Variants in AFAP1 observed in about 807,000 individuals in gnomAD.
AFAP1 encodes actin filament-associated protein 1.
Under a neutral mutation model 93.9 loss-of-function variants are expected in AFAP1, and 75 were observed. The observed-to-expected ratio is 0.80, with a 90% confidence interval of 0.66 to 0.97. The LOEUF (loss-of-function observed/expected upper bound fraction) is 0.97. AFAP1 is among the 50% of genes least tolerant of loss of function. The pLI, the probability that AFAP1 is intolerant of heterozygous loss-of-function variation, is 0.00. For missense variants in AFAP1, 1,201 were observed against 1,050.8 expected, an observed-to-expected ratio of 1.14 and a Z score of -1.98; for synonymous variants, 517 against 430.7, an observed-to-expected ratio of 1.20 and a Z score of -2.48.
chr4:7,915,930 G>A (rs2149230868), intron 1 of AFAP1, among the ~76,000 whole-genome samples: 1 of 152,274 alleles, frequency 6.6e-6, no homozygotes, highest in East Asian at 1.9e-4. Flanking sequence ...TTTAAAAGTG[G>A]GGGTGGTGGA....
chr4:7,784,267 G>A (rs1178462056), intron 12 of AFAP1, among the ~76,000 whole-genome samples: 1 of 152,112 alleles, frequency 6.6e-6, no homozygotes, highest in African/African-American at 2.4e-5. Flanking sequence ...GATGGACTCT[G>A]AAGCTAGGAT....
chr4:7,867,107 A>AGAGGGGAGGGGAGGGGAGGG (rs1560209619), intron 3 of AFAP1, among the ~76,000 whole-genome samples: 4 of 39,804 alleles, frequency 1.0e-4, no homozygotes, highest in African/African-American at 2.9e-4. Flanking sequence ...AGAGGGGAGT[A>AGAGGGGAGGGGAGGGGAGGG]GAGGGGAGGG....
chr4:7,790,375 C>T (rs1717755558), intron 11 of AFAP1, among the ~76,000 whole-genome samples: 2 of 152,266 alleles, frequency 1.3e-5, no homozygotes, highest in South Asian at 4.2e-4. Context: ...AATCTACATT[C>T]CTTTCTCAAA....
intron 1 of AFAP1, among the ~76,000 whole-genome samples, chr4:7,889,115 A>C (rs1014729089): frequency 6.6e-6 from 1 of 152,190 alleles, no homozygotes; most frequent in African/African-American, 2.4e-5. Flanking sequence ...TAGCAAATTA[A>C]ATTAAATAAT....
In AFAP1 at chr4:7,822,586, CTTTTTTTT is replaced by C. The variant is rs5855982; in HGVS notation, c.727-3423_727-3416del. The stretch of plus-strand genomic sequence containing the variant: ...GTTGTCTTCTTTCTTTTTCTTTTTT[CTTTTTTTT>C]TTTTTTTTGAGACAGAGTCTCGCTC... On this transcript the variant is annotated intron_variant, in intron 6 of 17. Coordinates refer to ENST00000420658, the MANE Select transcript of AFAP1 (RefSeq NM_001134647.2). Among the ~76,000 whole-genome samples the C allele has an allele frequency of 8.6e-4, 114 of 132,558 alleles. 1 individual carries two copies. The highest frequency in any genetic ancestry group is 2.2e-3 in the Admixed American group (28 of 13,008). 87.0% of individuals were successfully genotyped at this position (132,558 alleles called of 152,430 possible). A position where few individuals can be genotyped will look rare whatever the true frequency, so the allele number is the denominator to read the frequency against.
chr4:7,926,726 C>G (rs1346303996), intron 1 of AFAP1, among the ~76,000 whole-genome samples: 1 of 152,110 alleles, frequency 6.6e-6, no homozygotes, highest in Non-Finnish European at 1.5e-5. Context: ...CCCAGCCATT[C>G]CCCTTCCCCT....
intron 6 of AFAP1, among the ~76,000 whole-genome samples, chr4:7,832,264 A>G (rs529358322): frequency 4.9e-4 from 75 of 152,164 alleles, no homozygotes; most frequent in African/African-American, 9.4e-4. Context: ...TCTGGAGGGG[A>G]AAAAAGCTCT....
rs34764139 is a variant in AFAP1, at chr4:7,921,181, C to CTTTTTTT, written c.-3+18468_-3+18474dup. ...CCTACCCTATAAAATGAGAGCAAAA[C>CTTTTTTT]TTTTTTTTTTTTTTTTTTTTGAGAT... On this transcript the variant is annotated intron_variant, in intron 1 of 17. Transcript: ENST00000420658. Among the ~76,000 whole-genome samples, 453 of 95,092 alleles carry CTTTTTTT rather than the reference C, an allele frequency of 4.8e-3. 39 individuals carry two copies. The highest frequency in any genetic ancestry group is 0.015 in the African/African-American group (361 of 23,480). 62.4% of individuals were successfully genotyped at this position (95,092 alleles called of 152,430 possible).
At chr4:7,806,887 A>G (rs1462477269) in intron 9 of AFAP1, among the ~76,000 whole-genome samples, 1 of 151,666 alleles carries the variant, frequency 6.6e-6, no homozygotes, top group Non-Finnish European at 1.5e-5. Context: ...AGTGCCCAAG[A>G]AGAGGGTTTA....
At chr4:7,845,741 A>C (rs4473655) in intron 4 of AFAP1, among the ~76,000 whole-genome samples, 122,498 of 151,976 alleles carry the variant, frequency 0.81, 49,675 homozygotes, top group East Asian at 0.94. Context: ...TACACTCACC[A>C]AGCACCCCCT....
chr4:7,786,822 G>C (rs528835142), intron 11 of AFAP1, among the ~76,000 whole-genome samples: 4 of 152,356 alleles, frequency 2.6e-5, no homozygotes, highest in African/African-American at 4.8e-5. Flanking sequence ...CTGCAAAGCT[G>C]AAAGTTACTG....
At chr4:7,832,404 G>A (rs1711736697) in intron 6 of AFAP1, among the ~76,000 whole-genome samples, 1 of 152,094 alleles carries the variant, frequency 6.6e-6, no homozygotes, top group African/African-American at 2.4e-5. Context: ...TTGTCATGGG[G>A]TCAGAACCAC....
At chr4:7,892,234 CAGA>C (rs1718514372) in intron 1 of AFAP1, among the ~76,000 whole-genome samples, 1 of 152,100 alleles carries the variant, frequency 6.6e-6, no homozygotes, top group Non-Finnish European at 1.5e-5. Context: ...TTTCTAAGTA[CAGA>C]AGCATCACTT....
intron 3 of AFAP1, among the ~76,000 whole-genome samples, chr4:7,862,965 G>C (rs1325255340): frequency 1.3e-5 from 2 of 152,194 alleles, no homozygotes; most frequent in Non-Finnish European, 2.9e-5. Flanking sequence ...GGCTGCTTGC[G>C]AGCTGGGCAG....
intron 6 of AFAP1, among the ~76,000 whole-genome samples, chr4:7,820,998 A>G (rs577093637): frequency 6.6e-6 from 1 of 152,260 alleles, no homozygotes; most frequent in African/African-American, 2.4e-5. Flanking sequence ...CACGCCTGTA[A>G]TCCCAGCAAC....
intron 10 of AFAP1, among the ~76,000 whole-genome samples, chr4:7,795,467 T>C (rs1703959655): frequency 8.3e-6 from 1 of 120,510 alleles, no homozygotes; most frequent in Non-Finnish European, 1.6e-5. Context: ...GCTCTGTCAC[T>C]CAGACTGGAG....
chr4:7,811,700 G>T (rs528942035), intron 8 of AFAP1, among the ~76,000 whole-genome samples: 4 of 152,180 alleles, frequency 2.6e-5, no homozygotes, highest in African/African-American at 9.6e-5. Flanking sequence ...AGGCGCGGGA[G>T]GGGAGCCGCC....
At chr4:7,798,984 C>G (rs1218081851) in intron 10 of AFAP1, 2 of 986,432 alleles carry the variant, frequency 2.0e-6, no homozygotes, top group East Asian at 2.3e-4. Context: ...ATTGTTACAT[C>G]AAGAGTACAG....
chr4:7,911,688 G>A (rs773219421), intron 1 of AFAP1, among the ~76,000 whole-genome samples: 1 of 152,180 alleles, frequency 6.6e-6, no homozygotes, highest in Non-Finnish European at 1.5e-5. Flanking sequence ...CAGGATATAA[G>A]GGCCTCTGAT....
Sources: gnomAD v4.1 joint callset for allele counts (sites outside exome capture counted in the v4.1 genomes callset) on GRCh38, gnomAD v4.1.1 for gene constraint, MANE v1.5 for transcripts, NCBI Gene and HGNC (gene_info 2026-07-23, HGNC 2026-07-21) for gene names.